Variants in TNFRSF11A observed in about 807,000 individuals in gnomAD.
TNFRSF11A encodes the protein tumor necrosis factor receptor superfamily member 11A.
In TNFRSF11A, 32 loss-of-function variants were observed where a neutral mutation model predicts 55.7. The observed-to-expected ratio is 0.57, with a 90% CI of 0.43 to 0.77. The LOEUF is 0.77. Ranked by LOEUF, TNFRSF11A falls within the 30% of genes least tolerant of loss-of-function variation. TNFRSF11A has a pLI of 0.00. For synonymous variants in TNFRSF11A, 311 were observed against 331.0 expected (o/e 0.94, Z 0.65); for missense variants, 753 against 809.8 (o/e 0.93, Z 0.85).
At chr18:62,370,132 G>T (rs1184529328) in intron 9 of TNFRSF11A, among the ~76,000 whole-genome samples, 1 of 152,154 alleles carries the variant, frequency 6.6e-6, no homozygotes, top group Non-Finnish European at 1.5e-5. Flanking sequence ...TTATAAAGAT[G>T]TATCACTGCA....
At chr18:62,378,760 G>A (rs1306241460) in intron 9 of TNFRSF11A, among the ~76,000 whole-genome samples, 1 of 152,224 alleles carries the variant, frequency 6.6e-6, no homozygotes, top group African/African-American at 2.4e-5. Flanking sequence ...GGCCAGCACA[G>A]CTTGATACAG....
intron 9 of TNFRSF11A, chr18:62,378,241 A>G (rs1911028612): frequency 6.6e-6 from 1 of 152,226 alleles, no homozygotes; most frequent in African/African-American, 2.4e-5. Context: ...TATCTATTAG[A>G]TAAGGATATT....
chr18:62,369,292 C>A lies in TNFRSF11A; in HGVS notation c.1375C>A (p.Pro459Thr). Residue 459 changes from proline (P) to threonine (T), a missense_variant, in exon 9 of 10, where the codon CCC (proline) becomes ACC (threonine). Pro to Thr is a conservative substitution (Grantham distance 38, BLOSUM62 -1). Coordinates refer to ENST00000586569, the MANE Select transcript of TNFRSF11A (RefSeq NM_003839.4). ...GAACCCTCCTGGGGAGGACTGTGAA[C>A]CCCTCGTGGGTTCCCCAAAACGTGG... ...CRNPPGEDCE[P>T]LVGSPKRGPL... is the part of the protein sequence containing the mutation. 1 of 1,612,138 alleles carries A rather than the reference C, an allele frequency of 6.2e-7. No individual in the cohort carries two copies. The highest frequency in any genetic ancestry group is 8.5e-7 in the Non-Finnish European group (1 of 1,179,248).
intron 7 of TNFRSF11A, among the ~76,000 whole-genome samples, chr18:62,364,757 A>G (rs1909955952): frequency 6.6e-6 from 1 of 152,128 alleles, no homozygotes; most frequent in East Asian, 1.9e-4. Flanking sequence ...ATGTGCTGAC[A>G]TGACTATATA....
intron 9 of TNFRSF11A, among the ~76,000 whole-genome samples, chr18:62,372,605 G>A (rs1450206355): frequency 6.6e-6 from 1 of 152,078 alleles, no homozygotes; most frequent in Non-Finnish European, 1.5e-5. Context: ...GGGTATGACT[G>A]ATCTCGTCAT....
intron 6 of TNFRSF11A, among the ~76,000 whole-genome samples, chr18:62,360,583 A>T (rs1214096438): frequency 6.6e-6 from 1 of 151,942 alleles, no homozygotes; most frequent in African/African-American, 2.4e-5. Flanking sequence ...AGTAGCTGGG[A>T]TTACAGGCGC....
Position 62,348,323 on chromosome 18 carries a change from C to G in TNFRSF11A, c.157+74C>G, listed in dbSNP as rs1014238636. ...GGCTTTCATTATTTTTTCTGTCTGC[C>G]AGATGAAAAAAAGAAATTGGATAGA... On this transcript the variant is annotated intron_variant, in intron 2 of 9. Transcript: ENST00000586569. 8 of 1,401,010 alleles carry G rather than the reference C, an allele frequency of 5.7e-6. No homozygotes were observed. In the African/African-American group the frequency reaches 1.1e-4, roughly 20 times the overall value. 86.8% of individuals were successfully genotyped at this position (1,401,010 alleles called of 1,614,324 possible). A position where few individuals can be genotyped will look rare whatever the true frequency, so the allele number is the denominator to read the frequency against.
chr18:62,361,527 G>A (rs994798457), intron 6 of TNFRSF11A, among the ~76,000 whole-genome samples, 153 bp from the exon 7 acceptor site: 2 of 152,128 alleles, frequency 1.3e-5, no homozygotes, highest in Non-Finnish European at 1.5e-5. Context: ...GTGAGTGCTC[G>A]CGGACAAAGG....
intron 7 of TNFRSF11A, among the ~76,000 whole-genome samples, chr18:62,363,951 A>G (rs17069901): frequency 0.072 from 10,968 of 152,300 alleles, 544 homozygotes; most frequent in African/African-American, 0.13. Context: ...TTTATTGATC[A>G]TCAGGGACTG....
intron 1 of TNFRSF11A, among the ~76,000 whole-genome samples, chr18:62,345,388 GT>G (rs1372167799): frequency 6.6e-6 from 1 of 152,178 alleles, no homozygotes; most frequent in African/African-American, 2.4e-5. Flanking sequence ...TGCATTTTAA[GT>G]TGTATGTATA....
At position 62,349,846 on chromosome 18, in the gene TNFRSF11A, T is replaced by C. The variant is rs1324775160; in HGVS notation, c.192T>C (p.Ser64=). The C allele has an allele frequency of 6.2e-7, 1 of 1,614,062 alleles. No homozygotes were observed. Among genetic ancestry groups the C allele is most frequent in the Non-Finnish European group, 8.5e-7 (1 of 1,180,000 alleles). Residue 64 remains serine (S), a synonymous_variant, in exon 3 of 10, where the codon TCT becomes TCC. Coordinates refer to ENST00000586569, the MANE Select transcript of TNFRSF11A (RefSeq NM_003839.4). ...TGTCTTCTAAATGCACTACTACCTC[T>C]GACAGTGTATGTCTGCCCTGTGGCC... The part of the protein sequence containing the change: ...KYMSSKCTTT[S]DSVCLPCGPD...
intron 1 of TNFRSF11A, among the ~76,000 whole-genome samples, chr18:62,342,396 T>C (rs149766446): frequency 0.13 from 6,878 of 51,210 alleles, 263 homozygotes; most frequent in Admixed American, 0.19. Flanking sequence ...AGTGAGATTC[T>C]GTCTCAAAAA....
At position 62,384,751 on chromosome 18, in the gene TNFRSF11A, G is replaced by C; in HGVS notation, c.1568G>C (p.Gly523Ala). The C allele has an allele frequency of 6.2e-7, 1 of 1,611,782 alleles. No individual in the cohort carries two copies. Among genetic ancestry groups the C allele is most frequent in the Non-Finnish European group, 8.5e-7 (1 of 1,179,004 alleles). ...SSPGGQSPASGNVTGNSNSTF... is the reference protein window; with the variant it reads ...SSPGGQSPASANVTGNSNSTF... ...GTGTTCTCCCTTCCTCTCCCCGCAG[G>C]AAATGTGACTGGAAACAGTAACTCC... The change falls in exon 10 of 10, where the codon GGA becomes GCA. Residue 523 changes from glycine to alanine, a missense_variant and splice_region_variant. By Grantham distance (60) the Gly-to-Ala change is moderately conservative. Coordinates refer to ENST00000586569, the MANE Select transcript of TNFRSF11A (RefSeq NM_003839.4).
rs79513227 is a variant in TNFRSF11A, at chr18:62,325,520, G to T, written c.75+93G>T. On this transcript the variant is annotated intron_variant, in intron 1 of 9. Transcript: ENST00000586569. This position sits in a 1 kb window ranked among gnomAD's most constrained non-coding sequence, Gnocchi z 4.7. ...GGGCCGGCGGCATCCTGGCTCCTCCGCCTTCCGAGAGGAGCCGGAGTTTTG... is the reference window on the plus strand; with the variant it reads ...GGGCCGGCGGCATCCTGGCTCCTCCTCCTTCCGAGAGGAGCCGGAGTTTTG... The T allele has an allele frequency of 1.2e-5, 10 of 835,148 alleles. No individual in the cohort carries two copies. In the Admixed American group the frequency reaches 1.6e-4, roughly 14 times the overall value. 51.7% of individuals were successfully genotyped at this position (835,148 alleles called of 1,614,324 possible).
chr18:62,366,868 A>C, intron 8 of TNFRSF11A, 108 bp downstream of exon 8: 1 of 1,147,546 alleles, frequency 8.7e-7, no homozygotes, highest in South Asian at 1.2e-5. Context: ...ACTTTTTTTG[A>C]GACGGAGTCT....
At chr18:62,366,229 TG>T (rs1568488514) in intron 7 of TNFRSF11A, among the ~76,000 whole-genome samples, 1 of 152,236 alleles carries the variant, frequency 6.6e-6, no homozygotes, top group Non-Finnish European at 1.5e-5. Flanking sequence ...ACTGACCTAG[TG>T]GTCATAATAC....
intron 3 of TNFRSF11A, among the ~76,000 whole-genome samples, chr18:62,354,189 A>AC (rs948412289): frequency 1.3e-5 from 2 of 151,968 alleles, no homozygotes; most frequent in African/African-American, 2.4e-5. Context: ...AGAGAGAAGA[A>AC]CCCCCCCGTG....
rs1168560068 is a variant in TNFRSF11A, at chr18:62,361,732, G to A, written c.669G>A (p.Val223=). 3 of 1,614,084 alleles carry A rather than the reference G, an allele frequency of 1.9e-6. No homozygotes were observed. The highest frequency in any genetic ancestry group is 2.5e-6 in the Non-Finnish European group (3 of 1,180,044). Residue 223 remains valine, a synonymous_variant, in exon 7 of 10, where the codon GTG becomes GTA. Transcript: ENST00000586569. ...GLIILLLFAS[V]ALVAAIIFGV... ...TAATTCTGCTTCTCTTCGCGTCTGT[G>A]GCCCTGGTGGCTGCCATCATCTTTG...
intron 1 of TNFRSF11A, among the ~76,000 whole-genome samples, chr18:62,341,255 A>G (rs1006579372): frequency 6.6e-6 from 1 of 152,198 alleles, no homozygotes; most frequent in African/African-American, 2.4e-5. Context: ...CCAATTTCAC[A>G]TTGATGCCTC....
Sources: allele counts gnomAD v4.1 joint callset (sites outside exome capture counted in the v4.1 genomes callset), GRCh38; gene constraint gnomAD v4.1.1; non-coding constraint Gnocchi (gnomAD v3.1); transcripts MANE v1.5; gene names NCBI Gene and HGNC (gene_info 2026-07-23, HGNC 2026-07-21).